Variants in POU2F1 observed in about 807,000 individuals in gnomAD.
POU2F1 encodes POU domain, class 2, transcription factor 1.
Under a neutral mutation model 84.9 loss-of-function variants are expected in POU2F1, and 16 were observed. That is an observed-to-expected ratio of 0.19 (90% CI 0.13 to 0.29). The LOEUF is 0.29. POU2F1 is among the 10% of genes least tolerant of loss of function. The probability of loss-of-function intolerance (pLI) is 1.00; values close to 1 mark genes in which losing one functional copy is unlikely to be tolerated. For synonymous variants in POU2F1, 368 were observed against 368.3 expected, an observed-to-expected ratio of 1.00 and a Z score of 0.01; for missense variants, 738 against 942.6, an observed-to-expected ratio of 0.78 and a Z score of 2.84.
chr1:167,380,559 C>T (rs1011464426), intron 7 of POU2F1: 2 of 152,138 alleles, frequency 1.3e-5, no homozygotes, highest in African/African-American at 2.4e-5. Context: ...AGAGGATCAG[C>T]GTAGTGGAAA....
intron 12 of POU2F1, among the ~76,000 whole-genome samples, chr1:167,400,501 T>C (rs1308316490): frequency 6.6e-6 from 1 of 152,200 alleles, no homozygotes; most frequent in African/African-American, 2.4e-5. Flanking sequence ...CGTGATTAAG[T>C]GACAATAAGT....
intron 15 of POU2F1, 119 bp downstream of exon 15, chr1:167,413,233 G>A: frequency 1.1e-6 from 1 of 903,980 alleles, no homozygotes; most frequent in Non-Finnish European, 1.7e-6. Flanking sequence ...AGAGGTAAAA[G>A]TGATGGGAAA....
intron 8 of POU2F1, among the ~76,000 whole-genome samples, chr1:167,388,141 A>G (rs1177783068): frequency 6.6e-6 from 1 of 152,244 alleles, no homozygotes; most frequent in Admixed American, 6.5e-5. Flanking sequence ...GATAAGGATG[A>G]GAATAAATAT....
chr1:167,340,747 G>A (rs1011368833), intron 2 of POU2F1, among the ~76,000 whole-genome samples: 3 of 151,952 alleles, frequency 2.0e-5, no homozygotes, highest in Admixed American at 6.6e-5. Context: ...TTTTGTCTCC[G>A]ATGCGCAAGA....
chr1:167,325,853 C>T (rs189430914), intron 1 of POU2F1, among the ~76,000 whole-genome samples: 5 of 148,808 alleles, frequency 3.4e-5, no homozygotes, highest in African/African-American at 1.2e-4. Flanking sequence ...TGTGCCACTG[C>T]ACTCCAGCAT....
At chr1:167,261,291 A>G (rs932889510) in intron 1 of POU2F1, among the ~76,000 whole-genome samples, 1 of 152,138 alleles carries the variant, frequency 6.6e-6, no homozygotes, top group African/African-American at 2.4e-5. Flanking sequence ...CCTGCCACTC[A>G]TGAAAGGAAA....
chr1:167,360,678 C>T (rs1190809078), intron 2 of POU2F1, among the ~76,000 whole-genome samples: 4 of 151,914 alleles, frequency 2.6e-5, no homozygotes, highest in African/African-American at 9.7e-5. Context: ...TATTCAGGCT[C>T]TTTTTGGTTC....
intron 1 of POU2F1, among the ~76,000 whole-genome samples, chr1:167,229,458 C>G (rs1648895808): frequency 1.3e-5 from 2 of 152,022 alleles, no homozygotes; most frequent in African/African-American, 4.8e-5. Context: ...AACATTAATA[C>G]TAGGGTTGAA....
chr1:167,397,322 C>A (rs1433262098), intron 10 of POU2F1, among the ~76,000 whole-genome samples: 2 of 152,142 alleles, frequency 1.3e-5, no homozygotes, highest in African/African-American at 4.8e-5. Flanking sequence ...AAATATTAAA[C>A]GTTCAGTAAT....
At position 167,312,815 on chromosome 1, in the gene POU2F1, A is replaced by AT. The variant is rs529569191; in HGVS notation, c.62-19650dup. Among the ~76,000 whole-genome samples the AT allele has an allele frequency of 6.0e-3, 914 of 152,250 alleles. 4 individuals carry two copies. Among genetic ancestry groups the AT allele is most frequent in the Non-Finnish European group, 0.01 (700 of 68,004 alleles). On this transcript the variant is annotated intron_variant, in intron 1 of 15. Transcript: ENST00000367866. ...TACTATTTTTAATCTTTTATACTGT[A>AT]TTTTTACGGTATCTTTTCTATGTTT...
At chr1:167,387,447 G>A (rs1270192746) in intron 8 of POU2F1, among the ~76,000 whole-genome samples, 30 of 152,188 alleles carry the variant, frequency 2.0e-4, no homozygotes, top group Non-Finnish European at 5.9e-5. Flanking sequence ...AAATTACGCA[G>A]TGTCAGCATG....
chr1:167,265,415 T>G (rs1651870987), intron 1 of POU2F1, among the ~76,000 whole-genome samples: 1 of 152,266 alleles, frequency 6.6e-6, no homozygotes, highest in Admixed American at 6.5e-5. Flanking sequence ...TGTTAGCTAG[T>G]AATTTAAGTT....
At chr1:167,243,586 C>T (rs1650075592) in intron 1 of POU2F1, among the ~76,000 whole-genome samples, 2 of 152,196 alleles carry the variant, frequency 1.3e-5, no homozygotes, top group Non-Finnish European at 2.9e-5. Context: ...AGAGATTCTT[C>T]TGCCTCAGCC....
chr1:167,308,585 G>A (rs1054594658), intron 1 of POU2F1, among the ~76,000 whole-genome samples: 1 of 152,002 alleles, frequency 6.6e-6, no homozygotes, highest in Admixed American at 6.6e-5. Flanking sequence ...GAGTACAGTG[G>A]CATAATCATA....
intron 1 of POU2F1, among the ~76,000 whole-genome samples, chr1:167,320,242 A>G (rs1656216070): frequency 6.6e-6 from 1 of 152,246 alleles, no homozygotes; most frequent in Non-Finnish European, 1.5e-5. Flanking sequence ...AAAGCAGTCA[A>G]TACCTCAATT....
intron 1 of POU2F1, among the ~76,000 whole-genome samples, chr1:167,262,859 A>G (rs1458389610): frequency 1.3e-5 from 2 of 152,218 alleles, no homozygotes; most frequent in African/African-American, 4.8e-5. Context: ...AAAGCTGGCC[A>G]TGTTTGGAGC....
intron 1 of POU2F1, among the ~76,000 whole-genome samples, chr1:167,280,205 A>G (rs954523761): frequency 6.6e-5 from 10 of 151,062 alleles, no homozygotes; most frequent in African/African-American, 2.2e-4. Context: ...AAAAAAAAAA[A>G]CTTATTGTAA....
intron 1 of POU2F1, among the ~76,000 whole-genome samples, chr1:167,301,371 G>A (rs188535161): frequency 1.4e-3 from 215 of 152,252 alleles, no homozygotes; most frequent in Non-Finnish European, 2.4e-3. Context: ...AATACCTTGC[G>A]TTATTTTGTT....
chr1:167,283,568 A>G (rs901333119), intron 1 of POU2F1, among the ~76,000 whole-genome samples: 1 of 152,186 alleles, frequency 6.6e-6, no homozygotes, highest in Non-Finnish European at 1.5e-5. Flanking sequence ...CGTGACAGCA[A>G]TATGAAAGTC....
Sources: allele counts gnomAD v4.1 joint callset (sites outside exome capture counted in the v4.1 genomes callset), GRCh38; gene constraint gnomAD v4.1.1; transcripts MANE v1.5; gene names NCBI Gene and HGNC (gene_info 2026-07-23, HGNC 2026-07-21).